RUNX2: variants seen among roughly 807,000 people sequenced by gnomAD.
RUNX2 encodes runt-related transcription factor 2.
In RUNX2, 10 loss-of-function variants were observed where a neutral mutation model predicts 51.7. That is an observed-to-expected ratio of 0.19 (90% CI 0.12 to 0.33). The LOEUF is 0.33. Among genes scored for constraint, RUNX2 ranks in the 10% least tolerant of loss-of-function variants. RUNX2 has a pLI of 1.00. For synonymous variants in RUNX2, 276 were observed against 273.6 expected, an observed-to-expected ratio of 1.01 and a Z score of -0.09; for missense variants, 562 against 691.3, an observed-to-expected ratio of 0.81 and a Z score of 2.10.
intron 2 of RUNX2, among the ~76,000 whole-genome samples, chr6:45,413,723 C>T (rs768319643): frequency 5.3e-5 from 8 of 152,088 alleles, no homozygotes; most frequent in Non-Finnish European, 8.8e-5. Context: ...GCCACCAGAG[C>T]TTGGCCTAAA....
chr6:45,399,054 TA>T (rs1444859641), intron 2 of RUNX2, among the ~76,000 whole-genome samples: 1 of 152,218 alleles, frequency 6.6e-6, no homozygotes, highest in East Asian at 1.9e-4. Context: ...GAGCTACCTG[TA>T]ACAGTGAGTT....
chr6:45,521,965 T>A (rs1490039165), intron 7 of RUNX2, among the ~76,000 whole-genome samples: 1 of 151,030 alleles, frequency 6.6e-6, no homozygotes, highest in Non-Finnish European at 1.5e-5. Context: ...TTAGAGCTGT[T>A]TTTTTGTAGA....
chr6:45,487,742 A>G (rs1185492118), intron 5 of RUNX2, among the ~76,000 whole-genome samples: 1 of 152,238 alleles, frequency 6.6e-6, no homozygotes, highest in Non-Finnish European at 1.5e-5. Context: ...ATAAATATTT[A>G]CTGAGCACCC....
intron 5 of RUNX2, among the ~76,000 whole-genome samples, chr6:45,446,703 C>G (rs768037878): frequency 6.6e-6 from 1 of 152,108 alleles, no homozygotes; most frequent in Non-Finnish European, 1.5e-5. Context: ...TCATACCTGT[C>G]CATACCTAGC....
chr6:45,442,772 T>C (rs1436128284), intron 5 of RUNX2, among the ~76,000 whole-genome samples: 3 of 152,172 alleles, frequency 2.0e-5, no homozygotes, highest in African/African-American at 7.2e-5. Context: ...GGGTCTATCA[T>C]GTAGCTGCAA....
chr6:45,547,009 C>T lies in RUNX2; in HGVS notation c.1270C>T (p.Pro424Ser). Residue 424 changes from proline to serine, a missense_variant, in exon 9 of 9, where the codon CCA becomes TCA. Around this residue, in one of 5 missense-constraint regions of RUNX2, gnomAD observed 304 missense variants for 353.2 expected, o/e 0.86. Transcript: ENST00000647337. ...ATTHYHTYLP[P>S]PYPGSSQSQS... ...CACTCACTACCACACCTACCTGCCA[C>T]CACCCTACCCCGGCTCTTCCCAAAG... 1 of 1,614,110 alleles carries T rather than the reference C, an allele frequency of 6.2e-7. No individual in the cohort carries two copies. Among genetic ancestry groups the T allele is most frequent in the Non-Finnish European group, 8.5e-7 (1 of 1,180,034 alleles).
At position 45,505,431 on chromosome 6, in the gene RUNX2, T is replaced by C. The variant is rs1359697579; in HGVS notation, c.860-6815T>C. 3.3e-5 allele frequency among the ~76,000 whole-genome samples: 5 copies of C among 152,052 alleles called. No homozygotes were observed. The East Asian group carries it at 5.8e-4, about 18-fold the overall frequency. On this transcript the variant is annotated intron_variant, in intron 6 of 8. Coordinates refer to ENST00000647337, the MANE Select transcript of RUNX2 (RefSeq NM_001024630.4). Reference sequence around the variant, plus strand: ...ACTCCAAGTGTTTAGGGTTCAATTATGCAGATGCGAAATTTGGCTTTTTAG... The same window carrying C: ...ACTCCAAGTGTTTAGGGTTCAATTACGCAGATGCGAAATTTGGCTTTTTAG...
chr6:45,502,286 T>C (rs1184616868), intron 6 of RUNX2, among the ~76,000 whole-genome samples: 1 of 152,198 alleles, frequency 6.6e-6, no homozygotes, highest in African/African-American at 2.4e-5. Context: ...TTTGTTCTGC[T>C]CTTTCTATGT....
intron 2 of RUNX2, among the ~76,000 whole-genome samples, chr6:45,419,916 G>T (rs1798143274): frequency 6.6e-6 from 1 of 152,248 alleles, no homozygotes; most frequent in African/African-American, 2.4e-5. Flanking sequence ...CGGCGGCTGT[G>T]GGGCGGGAGG....
intron 2 of RUNX2, among the ~76,000 whole-genome samples, chr6:45,368,186 A>G (rs1047052511): frequency 6.6e-6 from 1 of 152,200 alleles, no homozygotes; most frequent in African/African-American, 2.4e-5. Flanking sequence ...TCTGTTTGCC[A>G]TATTTTACAA....
At chr6:45,464,676 A>C (rs907740926) in intron 5 of RUNX2, among the ~76,000 whole-genome samples, 4 of 152,220 alleles carry the variant, frequency 2.6e-5, no homozygotes, top group African/African-American at 9.7e-5. Flanking sequence ...TTCCTCTTTC[A>C]GAATCTGTAT....
chr6:45,472,070 C>T (rs1036702598), intron 5 of RUNX2, among the ~76,000 whole-genome samples: 1 of 151,918 alleles, frequency 6.6e-6, no homozygotes, highest in Non-Finnish European at 1.5e-5. Context: ...TTAACTGAAG[C>T]TTGTTTGATA....
intron 2 of RUNX2, among the ~76,000 whole-genome samples, chr6:45,357,782 G>A (rs1245108960): frequency 6.6e-6 from 1 of 152,088 alleles, no homozygotes; most frequent in Admixed American, 6.5e-5. Flanking sequence ...ACATAAAAAT[G>A]AGAACCTAAA....
Position 45,512,053 on chromosome 6 carries a change from G to A in RUNX2, c.860-193G>A, listed in dbSNP as rs142938705. Among the ~76,000 whole-genome samples the A allele has an allele frequency of 2.4e-3, 361 of 152,004 alleles. 2 individuals carry two copies. The highest frequency in any genetic ancestry group is 3.9e-3 in the Non-Finnish European group (265 of 67,978). On this transcript the variant is annotated intron_variant, in intron 6 of 8. Coordinates refer to ENST00000647337, the MANE Select transcript of RUNX2 (RefSeq NM_001024630.4). ...TTCATTGAGACTCAAAGTCTAGAAC[G>A]CTTTGTGCTATTTAAGGCCTGAAAG...
chr6:45,386,258 G>A (rs1254356921), intron 2 of RUNX2, among the ~76,000 whole-genome samples: 1 of 151,888 alleles, frequency 6.6e-6, no homozygotes, highest in East Asian at 1.9e-4. Flanking sequence ...GTAGAGATGG[G>A]GTTTCTCCAT....
At chr6:45,431,728 A>G (rs1466417034) in intron 3 of RUNX2, 135 bp from the exon 4 acceptor site, 2 of 998,674 alleles carry the variant, frequency 2.0e-6, no homozygotes, top group Non-Finnish European at 3.2e-6. Flanking sequence ...CAGATGCTTC[A>G]TTCCTGTCGG....
chr6:45,371,448 A>C (rs1299828077), intron 2 of RUNX2, among the ~76,000 whole-genome samples: 4 of 151,188 alleles, frequency 2.6e-5, no homozygotes, highest in Non-Finnish European at 5.9e-5. Context: ...TCCCTCTACC[A>C]ATGAGGAAAC....
In RUNX2 at chr6:45,330,425, A is replaced by G. The variant is rs187942715; in HGVS notation, c.58+1641A>G. On this transcript the variant is annotated intron_variant, in intron 2 of 8. Transcript: ENST00000647337. The stretch of plus-strand genomic sequence containing the variant: ...ATAACTTGAAACAGGGATAACAGAG[A>G]TATCAGGGAGGGATAACAGAGGCAG... Among the ~76,000 whole-genome samples, 116 of 152,112 alleles carry G rather than the reference A, an allele frequency of 7.6e-4. 1 individual carries two copies. Among genetic ancestry groups the G allele is most frequent in the Non-Finnish European group, 2.2e-4 (15 of 67,956 alleles).
At chr6:45,510,103 A>G (rs1224622418) in intron 6 of RUNX2, among the ~76,000 whole-genome samples, 1 of 152,220 alleles carries the variant, frequency 6.6e-6, no homozygotes, top group Admixed American at 6.5e-5. Context: ...AATTACATTA[A>G]TGGTGTAAGG....
Sources: gnomAD v4.1 joint callset for allele counts (sites outside exome capture counted in the v4.1 genomes callset) on GRCh38, gnomAD v4.1.1 for gene constraint, gnomAD v4.1.1 regional missense constraint, MANE v1.5 for transcripts, NCBI Gene and HGNC (gene_info 2026-07-23, HGNC 2026-07-21) for gene names.